USP33: variants seen among roughly 807,000 people sequenced by gnomAD.
USP33 encodes the protein ubiquitin specific peptidase 33.
In USP33, 46 loss-of-function variants were observed where a neutral mutation model predicts 124.2. The observed-to-expected ratio is 0.37, with a 90% confidence interval of 0.29 to 0.47. The LOEUF is 0.47. USP33 is among the 20% of genes least tolerant of loss of function. USP33 has a pLI of 0.99. For missense variants in USP33, 851 were observed against 1,070.6 expected (o/e 0.79, Z 2.86); for synonymous variants, 350 against 352.3 (o/e 0.99, Z 0.07).
intron 5 of USP33, among the ~76,000 whole-genome samples, chr1:77,736,646 T>C (rs1193304963): frequency 6.6e-6 from 1 of 152,154 alleles, no homozygotes; most frequent in East Asian, 1.9e-4. Flanking sequence ...AGTCTCACTC[T>C]GTTGCCAGGC....
At chr1:77,715,966 G>T in intron 17 of USP33, 98 bp from the exon 18 acceptor site, 1 of 1,225,780 alleles carries the variant, frequency 8.2e-7, no homozygotes. Context: ...ACAGTAGCTG[G>T]AATATAGGAA....
intron 1 of USP33, among the ~76,000 whole-genome samples, chr1:77,745,004 G>A (rs1679582756): frequency 6.6e-6 from 1 of 152,324 alleles, no homozygotes; most frequent in South Asian, 2.1e-4. Flanking sequence ...TCGTTGATCT[G>A]TCTAATGTTG....
chr1:77,714,579 C>A, intron 19 of USP33, 35 bp downstream of exon 19: 3 of 1,578,016 alleles, frequency 1.9e-6, no homozygotes, highest in Non-Finnish European at 2.6e-6. Flanking sequence ...TTACAGCAAA[C>A]TTCTACTACC....
chr1:77,725,992 C>A (rs1381703724), intron 10 of USP33, among the ~76,000 whole-genome samples: 1 of 152,186 alleles, frequency 6.6e-6, no homozygotes, highest in Non-Finnish European at 1.5e-5. Flanking sequence ...CTCTGTCCCC[C>A]AGGCTGCAGT....
chr1:77,756,488 C>G (rs1680813958), intron 1 of USP33, among the ~76,000 whole-genome samples: 1 of 152,152 alleles, frequency 6.6e-6, no homozygotes, highest in South Asian at 2.1e-4. Context: ...AACTACTTCT[C>G]TCCTCAGCTC....
At chr1:77,712,133 A>G (rs1350289133) in intron 20 of USP33, among the ~76,000 whole-genome samples, 2 of 152,264 alleles carry the variant, frequency 1.3e-5, no homozygotes, top group African/African-American at 4.8e-5. Context: ...TTCAAAAAGT[A>G]TCATACAACA....
At chr1:77,742,376 C>A (rs185835516) in intron 1 of USP33, among the ~76,000 whole-genome samples, 1 of 152,292 alleles carries the variant, frequency 6.6e-6, no homozygotes, top group Admixed American at 6.5e-5. Context: ...CCACTTCTAT[C>A]CACAAGAGAC....
At chr1:77,734,990 G>T (rs933642650) in intron 6 of USP33, among the ~76,000 whole-genome samples, 1 of 152,108 alleles carries the variant, frequency 6.6e-6, no homozygotes, top group African/African-American at 2.4e-5. Flanking sequence ...GGGCATGGTG[G>T]CGGGTGCCTG....
intron 7 of USP33, among the ~76,000 whole-genome samples, chr1:77,731,538 C>CTTT (rs1233549511): frequency 1.4e-5 from 2 of 143,018 alleles, no homozygotes; most frequent in Admixed American, 7.1e-5. Flanking sequence ...CAAGTGTAAT[C>CTTT]TTTTTTTTTT....
In USP33 at chr1:77,709,794, G is replaced by A. The variant is rs150516951; in HGVS notation, c.2406+1953C>T. 3.1e-3 allele frequency among the ~76,000 whole-genome samples: 462 copies of A among 150,998 alleles called. 1 individual carries two copies. Among genetic ancestry groups the A allele is most frequent in the Middle Eastern group, 0.014 (4 of 294 alleles). The stretch of plus-strand genomic sequence containing the variant: ...AGACATATATATATCTGAGAGCTAG[G>A]TATGATCAATCCTACTGGAGTAATC... On this transcript the variant is annotated intron_variant, in intron 21 of 23. Transcript: ENST00000370794.
intron 16 of USP33, 152 bp from the exon 17 acceptor site, chr1:77,718,199 G>T: frequency 1.4e-6 from 1 of 728,592 alleles, no homozygotes; most frequent in Non-Finnish European, 2.1e-6. Flanking sequence ...TTTTTATTTC[G>T]TTTTAAATGC....
At chr1:77,739,005 T>C (rs1678812542) in intron 5 of USP33, among the ~76,000 whole-genome samples, 1 of 147,574 alleles carries the variant, frequency 6.8e-6, no homozygotes, top group Admixed American at 6.8e-5. Context: ...TTGAGTCATT[T>C]AAAAAAAAAA....
chr1:77,731,678 G>C (rs1270021569), intron 7 of USP33, among the ~76,000 whole-genome samples: 1 of 151,988 alleles, frequency 6.6e-6, no homozygotes, highest in Non-Finnish European at 1.5e-5. Flanking sequence ...GCCACCAATA[G>C]TGTAATCGTA....
intron 19 of USP33, chr1:77,713,559 T>A: frequency 1.2e-5 from 2 of 172,510 alleles, no homozygotes; most frequent in Non-Finnish European, 1.2e-5. Flanking sequence ...TAACTTTTCT[T>A]TTTTTTTTTT....
intron 21 of USP33, among the ~76,000 whole-genome samples, chr1:77,706,530 C>T (rs1188428479): frequency 6.6e-6 from 1 of 152,178 alleles, no homozygotes; most frequent in Non-Finnish European, 1.5e-5. Flanking sequence ...TACCACTATT[C>T]TTGGACTTAG....
chr1:77,697,299 C>A lies in USP33; in HGVS notation c.*18G>T, dbSNP rs1673511730. On this transcript the variant is annotated 3_prime_UTR_variant, in exon 24 of 24. Coordinates refer to ENST00000370794, the MANE Select transcript of USP33 (RefSeq NM_201624.3). ...ACATGAAAATGATTCCTCATTAGAA[C>A]TCTCTACATCCTAAAAATTACAAAG... The A allele has an allele frequency of 6.4e-7, 1 of 1,573,480 alleles. No homozygotes were observed. The highest frequency in any genetic ancestry group is 1.4e-5 in the African/African-American group (1 of 72,964).
intron 5 of USP33, among the ~76,000 whole-genome samples, chr1:77,736,712 C>T (rs1390623629): frequency 1.3e-5 from 2 of 152,030 alleles, no homozygotes; most frequent in East Asian, 3.9e-4. Flanking sequence ...TGGGTTCAAA[C>T]GCTTCTCCTG....
chr1:77,741,584 A>T, intron 2 of USP33, 33 bp downstream of exon 2: 1 of 1,564,058 alleles, frequency 6.4e-7, no homozygotes, highest in Non-Finnish European at 8.6e-7. Context: ...AAAAGTGAAT[A>T]GTTTTTCAAG....
intron 6 of USP33, among the ~76,000 whole-genome samples, chr1:77,735,517 C>G (rs1471773931): frequency 6.6e-6 from 1 of 152,074 alleles, no homozygotes; most frequent in Non-Finnish European, 1.5e-5. Context: ...AAGCTTAAAC[C>G]AAAGTGTTAA....
Sources: allele counts gnomAD v4.1 joint callset (sites outside exome capture counted in the v4.1 genomes callset), GRCh38; gene constraint gnomAD v4.1.1; transcripts MANE v1.5; gene names NCBI Gene and HGNC (gene_info 2026-07-23, HGNC 2026-07-21).